SLC45A4: variants seen among roughly 807,000 people sequenced by gnomAD.
SLC45A4 encodes solute carrier family 45 member 4.
SLC45A4 carries 32 observed loss-of-function variants against 63.7 expected under a neutral mutation model. The observed-to-expected ratio is 0.50, with a 90% CI of 0.38 to 0.67. SLC45A4 has a LOEUF of 0.67. SLC45A4 is among the 30% of genes least tolerant of loss of function. The pLI, the probability that SLC45A4 is intolerant of heterozygous loss-of-function variation, is 0.00. For synonymous variants in SLC45A4, 535 were observed against 510.0 expected, an observed-to-expected ratio of 1.05 and a Z score of -0.66; for missense variants, 1,027 against 1,157.7, an observed-to-expected ratio of 0.89 and a Z score of 1.64.
intron 2 of SLC45A4, 47 bp from the exon 3 acceptor site, chr8:141,221,812 T>A (rs1209234732): frequency 6.3e-7 from 1 of 1,587,094 alleles, no homozygotes; most frequent in African/African-American, 1.3e-5. Flanking sequence ...CTGGCCGGGC[T>A]CTGCCACAGT....
Position 141,254,480 on chromosome 8 carries a change from G to A in SLC45A4, c.-251C>T. 3.0e-6 allele frequency: 2 copies of A among 677,948 alleles called. No homozygotes were observed. The highest frequency in any genetic ancestry group is 5.4e-6 in the Non-Finnish European group (2 of 371,686). The allele number at this position is 677,948 out of a possible 1,614,324, so 42.0% of individuals were successfully genotyped here. A position where few individuals can be genotyped will look rare whatever the true frequency, so the allele number is the denominator to read the frequency against. ...TGGCTTGCTGGTTTACTGTGAATTA[G>A]AGTTAAAAATCCATAATTGCCATTC... On this transcript the variant is annotated 5_prime_UTR_variant, in exon 2 of 9. Transcript: ENST00000517878. This position sits in a 1 kb window ranked among gnomAD's most constrained non-coding sequence, Gnocchi z 4.5.
In SLC45A4 at chr8:141,218,271, C is replaced by T. The variant is rs756654206; in HGVS notation, c.1369G>A (p.Asp457Asn). ...TGCCGCTTCTGCATGTCGTACAGGT[C>T]GCTCATGCTGCGCGACGGCTTGATC... ...VLIKPSRSMS[D>N]LYDMQKRQRQ... is the part of the protein sequence containing the mutation. The change falls in exon 5 of 9, where the codon GAC becomes AAC. Residue 457 changes from aspartate (D) to asparagine (N), a missense_variant. Physicochemically the swap from Asp to Asn is conservative, Grantham distance 23 (BLOSUM62 1). Coordinates refer to ENST00000517878, the MANE Select transcript of SLC45A4 (RefSeq NM_001286646.2). 5 of 1,603,580 alleles carry T rather than the reference C, an allele frequency of 3.1e-6. No homozygotes were observed. Among genetic ancestry groups the T allele is most frequent in the East Asian group, 4.5e-5 (2 of 44,870 alleles).
intron 5 of SLC45A4, among the ~76,000 whole-genome samples, chr8:141,217,412 A>C (rs1279465647): frequency 6.6e-6 from 1 of 152,176 alleles, no homozygotes; most frequent in Non-Finnish European, 1.5e-5. Flanking sequence ...CCACCGCGGC[A>C]AGAGGCGGAG....
At chr8:141,286,724 GC>G (rs1830159441) in intron 1 of SLC45A4, among the ~76,000 whole-genome samples, 1 of 150,342 alleles carries the variant, frequency 6.7e-6, no homozygotes, top group Admixed American at 6.6e-5. Context: ...TCGCTTATCA[GC>G]AGCAGCCCCC....
At position 141,211,372 on chromosome 8, in the gene SLC45A4, G is replaced by C; in HGVS notation, c.*200C>G. ...ACGCGCACGCAGGAGCTCGTCTGGA[G>C]CTCACGCTCCGCCCCCAGGTGGTGC... On this transcript the variant is annotated 3_prime_UTR_variant, in exon 9 of 9. Coordinates refer to ENST00000517878, the MANE Select transcript of SLC45A4 (RefSeq NM_001286646.2). 6.7e-7 allele frequency: 1 copy of C among 1,485,126 alleles called. No individual in the cohort carries two copies. The highest frequency in any genetic ancestry group is 9.0e-7 in the Non-Finnish European group (1 of 1,113,384). 92.0% of individuals were successfully genotyped at this position (1,485,126 alleles called of 1,614,324 possible).
In SLC45A4 at chr8:141,281,357, C is replaced by T. The variant is rs115563220; in HGVS notation, c.-400-26728G>A. 2.3e-3 allele frequency among the ~76,000 whole-genome samples: 356 copies of T among 152,264 alleles called. 1 individual carries two copies. The highest frequency in any genetic ancestry group is 3.5e-3 in the African/African-American group (145 of 41,566). ...CCATCTCAAAAAACAAAAAAACCTCCGAATCAGTCTCCTACAGTAGCTGTG... is the reference window on the plus strand; with the variant it reads ...CCATCTCAAAAAACAAAAAAACCTCTGAATCAGTCTCCTACAGTAGCTGTG... On this transcript the variant is annotated intron_variant, in intron 1 of 8. Coordinates refer to ENST00000517878, the MANE Select transcript of SLC45A4 (RefSeq NM_001286646.2).
rs768660479 is a variant in SLC45A4 at position 141,271,923 on chromosome 8, CAA to C, written c.-400-17296_-400-17295del. Among the ~76,000 whole-genome samples the C allele has an allele frequency of 7.9e-5, 12 of 152,140 alleles. 1 individual carries two copies. The Middle Eastern group carries it at 0.01, about 129-fold the overall frequency. ...ACACATACATGCGCTCACACGTGTG[CAA>C]CACACACCTGCATTCACACATGCAC... On this transcript the variant is annotated intron_variant, in intron 1 of 8. Coordinates refer to ENST00000517878, the MANE Select transcript of SLC45A4 (RefSeq NM_001286646.2).
chr8:141,270,708 T>A (rs1829489409), intron 1 of SLC45A4, among the ~76,000 whole-genome samples: 1 of 152,038 alleles, frequency 6.6e-6, no homozygotes. Flanking sequence ...CGCCCAGACC[T>A]CCAGGAGGCC....
At chr8:141,274,305 G>A (rs1170707763) in intron 1 of SLC45A4, among the ~76,000 whole-genome samples, 4 of 152,004 alleles carry the variant, frequency 2.6e-5, no homozygotes, top group African/African-American at 4.8e-5. Flanking sequence ...AGGCTGAGGC[G>A]GGTGGATCAC....
intron 6 of SLC45A4, 90 bp from the exon 7 acceptor site, chr8:141,216,060 T>TC: frequency 8.8e-7 from 1 of 1,139,574 alleles, no homozygotes; most frequent in Non-Finnish European, 1.2e-6. Context: ...GCCCCCCACA[T>TC]CCCCCCGACC....
chr8:141,222,095 ACACAGGGCT>A (rs1826679294), intron 2 of SLC45A4, among the ~76,000 whole-genome samples: 1 of 21,354 alleles, frequency 4.7e-5, no homozygotes, highest in African/African-American at 1.5e-4. Context: ...CCAGGGCTGG[ACACAGGGCT>A]GAGCCCCTCC....
intron 8 of SLC45A4, 44 bp downstream of exon 8, chr8:141,212,153 C>T (rs759258620): frequency 2.9e-6 from 2 of 686,990 alleles, no homozygotes; most frequent in South Asian, 7.0e-5. Flanking sequence ...CCCGCCCGCC[C>T]ACCCGCCCAC....
At chr8:141,306,502 T>A (rs1298903973) in intron 1 of SLC45A4, among the ~76,000 whole-genome samples, 3 of 152,252 alleles carry the variant, frequency 2.0e-5, no homozygotes, top group Non-Finnish European at 2.9e-5. Flanking sequence ...AAATAATCTC[T>A]GCTCGTTCTT....
At chr8:141,257,663 C>T (rs2154614742) in intron 1 of SLC45A4, among the ~76,000 whole-genome samples, 1 of 152,314 alleles carries the variant, frequency 6.6e-6, no homozygotes, top group East Asian at 1.9e-4. Context: ...TAGTGATTCT[C>T]AGCCAGGGGC....
chr8:141,294,199 G>A (rs528554333), intron 1 of SLC45A4, among the ~76,000 whole-genome samples: 2 of 152,160 alleles, frequency 1.3e-5, no homozygotes, highest in Non-Finnish European at 2.9e-5. Context: ...AGGGCCAACC[G>A]AGGGACCCTG....
rs1554598337 is a variant in SLC45A4 at position 141,263,781 on chromosome 8, AAAT to A, written c.-400-9155_-400-9153del. Among the ~76,000 whole-genome samples, 50 of 140,416 alleles carry A rather than the reference AAAT, an allele frequency of 3.6e-4. 2 individuals carry two copies. Among genetic ancestry groups the A allele is most frequent in the African/African-American group, 4.4e-4 (17 of 38,632 alleles). 92.1% of individuals were successfully genotyped at this position (140,416 alleles called of 152,430 possible). Reference sequence around the variant, plus strand: ...CAAGACTCCGTCTCAAAAAAAAAAAAAATAAAAATAATAATAAAAACAAAAAGA... The same window carrying A: ...CAAGACTCCGTCTCAAAAAAAAAAAAAAAAATAATAATAAAAACAAAAAGA... On this transcript the variant is annotated intron_variant, in intron 1 of 8. Coordinates refer to ENST00000517878, the MANE Select transcript of SLC45A4 (RefSeq NM_001286646.2).
chr8:141,285,818 C>T (rs1011757350), intron 1 of SLC45A4, among the ~76,000 whole-genome samples: 2 of 152,154 alleles, frequency 1.3e-5, no homozygotes, highest in African/African-American at 2.4e-5. Context: ...CAGTCTTTCC[C>T]GAGTGCATCC....
chr8:141,286,687 C>T (rs368838139), intron 1 of SLC45A4, among the ~76,000 whole-genome samples: 2 of 151,670 alleles, frequency 1.3e-5, no homozygotes, highest in African/African-American at 4.9e-5. Context: ...TGGGTAAGGC[C>T]CCAACTTTAA....
At chr8:141,289,478 T>C (rs972868974) in intron 1 of SLC45A4, among the ~76,000 whole-genome samples, 1 of 152,160 alleles carries the variant, frequency 6.6e-6, no homozygotes, top group African/African-American at 2.4e-5. Context: ...CTTTCAGGGC[T>C]CCAGATGGGA....
Sources: allele counts gnomAD v4.1 joint callset (sites outside exome capture counted in the v4.1 genomes callset), GRCh38; gene constraint gnomAD v4.1.1; non-coding constraint Gnocchi (gnomAD v3.1); transcripts MANE v1.5; gene names NCBI Gene and HGNC (gene_info 2026-07-23, HGNC 2026-07-21).